Variants in CDH7 observed in about 807,000 individuals in gnomAD.
CDH7 encodes cadherin-7.
In CDH7, 25 loss-of-function variants were observed where a neutral mutation model predicts 71.8. The ratio of observed to expected loss-of-function variants is 0.35; its 90% confidence interval spans 0.25 to 0.49. The LOEUF (loss-of-function observed/expected upper bound fraction) is 0.49, where lower values mean the gene tolerates loss of function less well. Among genes scored for constraint, CDH7 ranks in the 20% least tolerant of loss-of-function variants. The pLI is 0.99. For synonymous variants in CDH7, 381 were observed against 363.8 expected, an observed-to-expected ratio of 1.05 and a Z score of -0.54; for missense variants, 862 against 974.6, an observed-to-expected ratio of 0.88 and a Z score of 1.54.
intron 7 of CDH7, among the ~76,000 whole-genome samples, chr18:65,849,929 C>T (rs919844717): frequency 1.3e-5 from 2 of 151,656 alleles, no homozygotes; most frequent in Non-Finnish European, 2.9e-5. Context: ...TTTGGGAGGC[C>T]GAGATGGGTG....
At chr18:65,811,784 TA>T (rs1911547022) in intron 3 of CDH7, among the ~76,000 whole-genome samples, 1 of 152,086 alleles carries the variant, frequency 6.6e-6, no homozygotes, top group Non-Finnish European at 1.5e-5. Flanking sequence ...AGAATATAGA[TA>T]TGTGAACTTT....
At chr18:65,795,238 G>A (rs563012458) in intron 2 of CDH7, among the ~76,000 whole-genome samples, 88 of 152,146 alleles carry the variant, frequency 5.8e-4, no homozygotes, top group African/African-American at 2.0e-3. Flanking sequence ...TGTCCATTCC[G>A]TTGTAGGATA....
chr18:65,773,623 G>C (rs1221758079), intron 2 of CDH7, among the ~76,000 whole-genome samples: 1 of 152,020 alleles, frequency 6.6e-6, no homozygotes, highest in African/African-American at 2.4e-5. Flanking sequence ...TATAAAATAG[G>C]AACAACAATA....
At chr18:65,876,686 T>A (rs1363249464) in intron 11 of CDH7, among the ~76,000 whole-genome samples, 1 of 152,216 alleles carries the variant, frequency 6.6e-6, no homozygotes, top group Non-Finnish European at 1.5e-5. Context: ...TCTTTTGGAG[T>A]AATTATTACA....
chr18:65,763,594 G>T (rs28524669), intron 2 of CDH7, among the ~76,000 whole-genome samples: 38,511 of 99,216 alleles, frequency 0.39, 5,417 homozygotes, highest in East Asian at 0.43. Context: ...TTGATAGGGG[G>T]GTGTGTGTGT....
intron 2 of CDH7, among the ~76,000 whole-genome samples, chr18:65,778,121 A>T (rs1312666130): frequency 6.6e-6 from 1 of 151,952 alleles, no homozygotes; most frequent in African/African-American, 2.4e-5. Flanking sequence ...AAAATACAAA[A>T]ATTAGCTGGG....
intron 4 of CDH7, among the ~76,000 whole-genome samples, chr18:65,819,338 G>A (rs997692171): frequency 2.6e-5 from 4 of 152,120 alleles, no homozygotes; most frequent in Non-Finnish European, 4.4e-5. Context: ...GTTCGGGCAC[G>A]CTGCCTGTGA....
intron 2 of CDH7, among the ~76,000 whole-genome samples, chr18:65,767,013 A>T (rs566623234): frequency 6.0e-4 from 89 of 148,354 alleles, no homozygotes; most frequent in African/African-American, 1.9e-3. Flanking sequence ...GCTGTGCCCC[A>T]GGCCATTACT....
chr18:65,775,757 G>C (rs1168949229), intron 2 of CDH7, among the ~76,000 whole-genome samples: 2 of 152,206 alleles, frequency 1.3e-5, no homozygotes, highest in Non-Finnish European at 2.9e-5. Context: ...TGTGGGCCTT[G>C]AGTTGGACAA....
intron 4 of CDH7, among the ~76,000 whole-genome samples, chr18:65,814,888 GA>G (rs1435874866): frequency 6.6e-6 from 1 of 151,966 alleles, no homozygotes. Flanking sequence ...CTTTACCTCA[GA>G]GCTTTACCTG....
rs968887089 is a variant in CDH7 at position 65,808,397 on chromosome 18, C to G, written c.211-1307C>G. On this transcript the variant is annotated intron_variant, in intron 2 of 11. Transcript: ENST00000397968. Reference sequence around the variant, plus strand: ...TAATTCACAATAGTTGAAGAACACACCTTTTCCCTACACTGAATAAACATA... The same window carrying G: ...TAATTCACAATAGTTGAAGAACACAGCTTTTCCCTACACTGAATAAACATA... Among the ~76,000 whole-genome samples the G allele has an allele frequency of 2.0e-5, 3 of 152,250 alleles. No homozygotes were observed. The East Asian group carries it at 5.8e-4, about 29-fold the overall frequency.
intron 4 of CDH7, among the ~76,000 whole-genome samples, chr18:65,817,351 G>A (rs1223906372): frequency 6.6e-6 from 1 of 152,010 alleles, no homozygotes; most frequent in African/African-American, 2.4e-5. Flanking sequence ...TGTCTCTTTT[G>A]AAAGCTTGCT....
At chr18:65,781,962 TTC>T (rs575419221) in intron 2 of CDH7, among the ~76,000 whole-genome samples, 504 of 45,910 alleles carry the variant, frequency 0.011, 46 homozygotes, top group South Asian at 0.035. Flanking sequence ...CTTTCTCTCT[TTC>T]TCTCTCTCTC....
intron 11 of CDH7, among the ~76,000 whole-genome samples, chr18:65,879,445 T>C (rs949124092): frequency 1.3e-5 from 2 of 152,228 alleles, no homozygotes; most frequent in African/African-American, 2.4e-5. Context: ...TTACTTTACA[T>C]ATTTTTAAAT....
At chr18:65,857,037 G>T (rs1191709083) in intron 7 of CDH7, among the ~76,000 whole-genome samples, 1 of 151,098 alleles carries the variant, frequency 6.6e-6, no homozygotes, top group Non-Finnish European at 1.5e-5. Context: ...AAAAGAAAGA[G>T]GGTTAATAAC....
At chr18:65,856,070 T>C (rs1368106690) in intron 7 of CDH7, among the ~76,000 whole-genome samples, 1 of 152,018 alleles carries the variant, frequency 6.6e-6, no homozygotes, top group Admixed American at 6.6e-5. Context: ...GAGGAGTCCA[T>C]TTGGCAGCAC....
Position 65,840,616 on chromosome 18 carries a change from G to C in CDH7, c.982-3196G>C, listed in dbSNP as rs538549543. Reference sequence around the variant, plus strand: ...GTAGTGAATATGTCTCATGAGATCTGATGGTTTTATAAGGGGGAGTTTCAC... The same window carrying C: ...GTAGTGAATATGTCTCATGAGATCTCATGGTTTTATAAGGGGGAGTTTCAC... On this transcript the variant is annotated intron_variant, in intron 6 of 11. Transcript: ENST00000397968. Among the ~76,000 whole-genome samples, 3 of 152,198 alleles carry C rather than the reference G, an allele frequency of 2.0e-5. No individual in the cohort carries two copies. The South Asian group carries it at 6.2e-4, about 32-fold the overall frequency.
intron 6 of CDH7, among the ~76,000 whole-genome samples, chr18:65,837,439 G>A (rs1352384111): frequency 6.6e-6 from 1 of 152,124 alleles, no homozygotes; most frequent in African/African-American, 2.4e-5. Context: ...TTTACAACCT[G>A]GAAAAAGGCT....
Position 65,823,793 on chromosome 18 carries a change from A to G in CDH7, c.794-851A>G, listed in dbSNP as rs189457193. On this transcript the variant is annotated intron_variant, in intron 5 of 11. Transcript: ENST00000397968. ...CTTATCCCTTCACAAGACAGGACAA[A>G]TGCACCACAATTTAACAACCAAAGG... Among the ~76,000 whole-genome samples the G allele has an allele frequency of 1.4e-3, 209 of 151,426 alleles. 1 individual carries two copies. The highest frequency in any genetic ancestry group is 4.9e-3 in the African/African-American group (200 of 40,984).
Sources: allele counts gnomAD v4.1 joint callset (sites outside exome capture counted in the v4.1 genomes callset), GRCh38; gene constraint gnomAD v4.1.1; transcripts MANE v1.5; gene names NCBI Gene and HGNC (gene_info 2026-07-23, HGNC 2026-07-21).